The following HTR3E variants were observed in gnomAD, a reference collection of about 807,000 sequenced individuals.
HTR3E encodes the protein 5-hydroxytryptamine receptor 3E, also known as 5-hydroxytryptamine (serotonin) receptor 3, family member E.
HTR3E carries 38 observed loss-of-function variants against 38.0 expected under a neutral mutation model. The ratio of observed to expected loss-of-function variants is 1.00; its 90% CI spans 0.77 to 1.31. The LOEUF is 1.31. HTR3E is among the 50% of genes most tolerant of loss of function. The probability of loss-of-function intolerance (pLI) is 0.00; values close to 1 mark genes in which losing one functional copy is unlikely to be tolerated. For synonymous variants in HTR3E, 210 were observed against 232.9 expected (o/e 0.90, Z 0.89); for missense variants, 547 against 585.2 (o/e 0.93, Z 0.67).
Position 184,105,409 on chromosome 3 carries a change from T to G in HTR3E, c.702T>G (p.Tyr234Ter), listed in dbSNP as rs1712364792. The G allele has an allele frequency of 1.9e-6, 3 of 1,612,526 alleles. No homozygotes were observed. Among genetic ancestry groups the G allele is most frequent in the Non-Finnish European group, 2.5e-6 (3 of 1,179,610 alleles). Reference protein sequence around the residue: ...TAKLSRGGNLYDQIVFYVAIR... With the variant: ...TAKLSRGGNL Reference sequence around the variant, plus strand: ...AGTTGTCCAGGGGAGGCAACCTGTATGATCAGATCGTGTTCTATGTGAGCT... The same window carrying G: ...AGTTGTCCAGGGGAGGCAACCTGTAGGATCAGATCGTGTTCTATGTGAGCT... The change falls in exon 6 of 9, where the codon TAT (tyrosine) becomes TAG (stop). Residue 234 changes from tyrosine to a stop codon, truncating the protein, a stop_gained. Coordinates refer to ENST00000415389, the MANE Select transcript of HTR3E (RefSeq NM_001256613.2). LOFTEE classifies it high-confidence loss of function.
intron 1 of HTR3E, among the ~76,000 whole-genome samples, chr3:184,099,041 TA>T (rs976244372): frequency 6.6e-6 from 1 of 150,806 alleles, no homozygotes; most frequent in Non-Finnish European, 1.5e-5. Flanking sequence ...AGACTCCCTC[TA>T]AAAAAAATTT....
At position 184,106,350 on chromosome 3, in the gene HTR3E, G is replaced by A; in HGVS notation, c.1141+7G>A. 2 of 1,604,094 alleles carry A rather than the reference G, an allele frequency of 1.2e-6. No individual in the cohort carries two copies. Among genetic ancestry groups the A allele is most frequent in the Non-Finnish European group, 1.7e-6 (2 of 1,175,308 alleles). The stretch of plus-strand genomic sequence containing the variant: ...ACCCCCACCCACCTGCCCGGTGAGG[G>A]AAGTCACATTCCTCTTCCCCCACCT... On this transcript the variant is annotated splice_region_variant and intron_variant, in intron 8 of 8. Transcript: ENST00000415389. This position sits in a 1 kb window ranked among gnomAD's most constrained non-coding sequence, Gnocchi z 4.1.
At chr3:184,101,325 C>G (rs1181017187) in intron 2 of HTR3E, among the ~76,000 whole-genome samples, 160 bp from the exon 3 acceptor site, 2 of 152,206 alleles carry the variant, frequency 1.3e-5, no homozygotes, top group Non-Finnish European at 2.9e-5. Flanking sequence ...TGTGAACTCT[C>G]CTGTCCGTAG....
chr3:184,104,753 GC>G, intron 4 of HTR3E, 33 bp from the exon 5 acceptor site: 1 of 1,446,948 alleles, frequency 6.9e-7, no homozygotes, highest in East Asian at 2.3e-5. Flanking sequence ...GAGAGAAACT[GC>G]AGCACCTGCC....
Position 184,097,598 on chromosome 3 carries a change from T to C in HTR3E, c.67+2T>C. On this transcript the variant is annotated splice_donor_variant, in intron 1 of 8. Coordinates refer to ENST00000415389, the MANE Select transcript of HTR3E (RefSeq NM_001256613.2). LOFTEE classifies it high-confidence loss of function. ...TCCTTCTCGGTTTTCTGCTTCAAGG[T>C]AAGAAAGGAGCAATGATGGGGGAAG... is the stretch of plus-strand genomic sequence containing the variant. 4 of 1,534,464 alleles carry C rather than the reference T, an allele frequency of 2.6e-6. No individual in the cohort carries two copies. Among genetic ancestry groups the C allele is most frequent in the Non-Finnish European group, 3.5e-6 (4 of 1,145,502 alleles).
rs1577015273 is a variant in HTR3E at position 184,106,333 on chromosome 3, C to A, written c.1131C>A (p.Thr377=). 1.2e-6 allele frequency: 2 copies of A among 1,610,916 alleles called. No homozygotes were observed. The highest frequency in any genetic ancestry group is 2.2e-5 in the East Asian group (1 of 44,648). The change falls in exon 8 of 9, where the codon ACC becomes ACA. Residue 377 remains threonine, a synonymous_variant. Transcript: ENST00000415389. This position sits in a 1 kb window ranked among gnomAD's most constrained non-coding sequence, Gnocchi z 4.1. ...ATAAGGGCCCGGGTCTCACCCCCAC[C>A]CACCTGCCCGGTGAGGGAAGTCACA... ...KENKGPGLTP[T]HLPGVKEPEV...
chr3:184,103,927 C>T (rs1712240968), intron 3 of HTR3E, among the ~76,000 whole-genome samples: 1 of 151,672 alleles, frequency 6.6e-6, no homozygotes, highest in Non-Finnish European at 1.5e-5. Context: ...GTTCCCAGAC[C>T]ACCAGCGCTG....
At position 184,104,859 on chromosome 3, in the gene HTR3E, A is replaced by C. The variant is rs1712321737; in HGVS notation, c.462A>C (p.Lys154Asn). 1 of 1,613,942 alleles carries C rather than the reference A, an allele frequency of 6.2e-7. No homozygotes were observed. Among genetic ancestry groups the C allele is most frequent in the South Asian group, 1.1e-5 (1 of 91,082 alleles). ...ATGAAGGTCGCATCAGGTATAAGAA[A>C]CCCATGAAGGTGGACAGTATCTGTA... ...VSNEGRIRYK[K>N]PMKVDSICNL... The change falls in exon 5 of 9, where the codon AAA becomes AAC. Residue 154 changes from lysine (K) to asparagine (N), a missense_variant. Transcript: ENST00000415389.
chr3:184,100,154 G>A, intron 1 of HTR3E: 1 of 1,390,700 alleles, frequency 7.2e-7, no homozygotes, highest in East Asian at 2.7e-5. Flanking sequence ...GTATAGCACA[G>A]CAGCAGCAGA....
chr3:184,100,780 A>G (rs1711990859), intron 2 of HTR3E, 129 bp downstream of exon 2: 4 of 1,339,952 alleles, frequency 3.0e-6, no homozygotes, highest in East Asian at 4.8e-5. Flanking sequence ...TTTGCCTGGC[A>G]TGGGGATCTC....
chr3:184,097,719 A>G (rs1711739327), intron 1 of HTR3E, 123 bp downstream of exon 1: 4 of 687,596 alleles, frequency 5.8e-6, no homozygotes, highest in Admixed American at 5.2e-5. Flanking sequence ...GAGTTCTTTC[A>G]TAGCTACATT....
intron 3 of HTR3E, among the ~76,000 whole-genome samples, chr3:184,102,595 T>A (rs1712119113): frequency 6.7e-6 from 1 of 149,950 alleles, no homozygotes; most frequent in Admixed American, 6.7e-5. Flanking sequence ...CTAACCTGCA[T>A]GTTGTGCACA....
chr3:184,103,402 G>A (rs574671481), intron 3 of HTR3E, among the ~76,000 whole-genome samples: 1 of 152,216 alleles, frequency 6.6e-6, no homozygotes, highest in Admixed American at 6.5e-5. Flanking sequence ...GGCCGAGGCG[G>A]GTGGATCATG....
intron 1 of HTR3E, chr3:184,100,144 G>C: frequency 1.4e-6 from 2 of 1,387,350 alleles, no homozygotes; most frequent in Non-Finnish European, 1.9e-6. Context: ...CCCTGGGGAC[G>C]TATAGCACAG....
At chr3:184,097,647 T>G in intron 1 of HTR3E, 51 bp downstream of exon 1, 1 of 1,393,662 alleles carries the variant, frequency 7.2e-7, no homozygotes, top group Non-Finnish European at 9.8e-7. Context: ...GACCTCTCTC[T>G]AGTAGAACAT....
At chr3:184,100,731 T>C in intron 2 of HTR3E, 80 bp downstream of exon 2, 1 of 1,545,986 alleles carries the variant, frequency 6.5e-7, no homozygotes, top group Admixed American at 1.8e-5. Flanking sequence ...CCAAAGCCCT[T>C]ATCCACATTT....
At chr3:184,105,139 T>C (rs746569475) in intron 5 of HTR3E, 128 bp from the exon 6 acceptor site, 25 of 1,231,604 alleles carry the variant, frequency 2.0e-5, no homozygotes, top group Non-Finnish European at 2.7e-5. Context: ...CCCAAGCTCC[T>C]GGCAAGTTTC....
chr3:184,105,285 A>G lies in HTR3E; in HGVS notation c.578A>G (p.Asp193Gly). Residue 193 changes from aspartate (D) to glycine (G), a missense_variant, in exon 6 of 9, where the codon GAC (aspartate) becomes GGC (glycine). Asp to Gly is a moderately conservative substitution (Grantham distance 94). Coordinates refer to ENST00000415389, the MANE Select transcript of HTR3E (RefSeq NM_001256613.2). ...TTTTCAGTGGACAGCATGTTGCTGG[A>G]CATGGAGAAAGAAGTGTGGGAAATA... ...FLYTVDSMLL[D>G]MEKEVWEITD... is the part of the protein sequence containing the mutation. 6.2e-7 allele frequency: 1 copy of G among 1,612,992 alleles called. No individual in the cohort carries two copies. Among genetic ancestry groups the G allele is most frequent in the Non-Finnish European group, 8.5e-7 (1 of 1,179,720 alleles).
chr3:184,097,948 C>T (rs1037660142), intron 1 of HTR3E, among the ~76,000 whole-genome samples: 3 of 152,204 alleles, frequency 2.0e-5, no homozygotes, highest in African/African-American at 7.2e-5. Context: ...CATCCACGAT[C>T]GTCTTCTCTT....
Sources: allele counts gnomAD v4.1 joint callset (sites outside exome capture counted in the v4.1 genomes callset), GRCh38; gene constraint gnomAD v4.1.1; non-coding constraint Gnocchi (gnomAD v3.1); transcripts MANE v1.5; gene names NCBI Gene and HGNC (gene_info 2026-07-23, HGNC 2026-07-21).